The following PRND variants were observed in gnomAD, a reference collection of about 807,000 sequenced individuals.
PRND encodes the protein prion-like protein doppel.
For missense variants in PRND, 227 were observed against 223.3 expected (o/e 1.02, Z -0.11); for synonymous variants, 94 against 93.2 (o/e 1.01, Z -0.05).
At position 4,727,793 on chromosome 20, in the gene PRND, C is replaced by CT. The variant is rs59537500; in HGVS notation, c.*2721dup. The CT allele has an allele frequency of 1.8e-3, 261 of 143,140 alleles. 3 individuals are homozygous for CT. The highest frequency in any genetic ancestry group is 4.8e-3 in the Admixed American group (63 of 13,246). 8.9% of individuals were successfully genotyped at this position (143,140 alleles called of 1,614,324 possible). ...AATGCTTTCTACTCATTTTTCTATA[C>CT]TTTTTTTTTTGAGGCAGAGTCTCAT... On this transcript the variant is annotated 3_prime_UTR_variant, in exon 2 of 2. Transcript: ENST00000305817.
rs35453518 is a variant in PRND, at chr20:4,724,718, C to T, written c.167C>T (p.Pro56Leu). The T allele has an allele frequency of 9.3e-3, 15,076 of 1,614,168 alleles. 104 individuals carry two copies. The highest frequency in any genetic ancestry group is 0.011 in the Non-Finnish European group (12,911 of 1,180,034). Reference sequence around the variant, plus strand: ...GAGGCCCAGGTGGCTGAGAACCGCCCGGGAGCCTTCATCAAGCAAGGCCGC... The same window carrying T: ...GAGGCCCAGGTGGCTGAGAACCGCCTGGGAGCCTTCATCAAGCAAGGCCGC... ...ITEAQVAENR[P>L]GAFIKQGRKL... is the part of the protein sequence containing the mutation. The change falls in exon 2 of 2, where the codon CCG becomes CTG. Residue 56 changes from proline to leucine, a missense_variant. Pro to Leu is a moderately conservative substitution (Grantham distance 98). Transcript: ENST00000305817. The surrounding 1 kb of genome is among the most constrained non-coding windows in gnomAD (Gnocchi z 4.8).
Position 4,725,204 on chromosome 20 carries a change from C to A in PRND, c.*122C>A. The A allele has an allele frequency of 7.9e-7, 1 of 1,262,988 alleles. No homozygotes were observed. Among genetic ancestry groups the A allele is most frequent in the Non-Finnish European group, 1.1e-6 (1 of 902,378 alleles). The allele number at this position is 1,262,988 out of a possible 1,614,324, so 78.2% of individuals were successfully genotyped here. ...GCCCAGGAGCGGCGATGCACTCGCA[C>A]TGCAAATGCCGCTCTCACGTATGCG... On this transcript the variant is annotated 3_prime_UTR_variant, in exon 2 of 2. Coordinates refer to ENST00000305817, the MANE Select transcript of PRND (RefSeq NM_012409.4).
chr20:4,725,090 A>G lies in PRND; in HGVS notation c.*8A>G, dbSNP rs549680800. The G allele has an allele frequency of 1.2e-5, 20 of 1,612,000 alleles. No homozygotes were observed. The highest frequency in any genetic ancestry group is 6.7e-5 in the East Asian group (3 of 44,826). ...TGGCTCACGGTGAAATAAGCTTGCC[A>G]GGAGGCTGGCAGTACAGAGTGCAGC... On this transcript the variant is annotated 3_prime_UTR_variant, in exon 2 of 2. Transcript: ENST00000305817.
Position 4,724,507 on chromosome 20 carries a change from G to GT in PRND, c.-11-33dup, listed in dbSNP as rs1165306052. On this transcript the variant is annotated intron_variant, in intron 1 of 1. Coordinates refer to ENST00000305817, the MANE Select transcript of PRND (RefSeq NM_012409.4). This position sits in a 1 kb window ranked among gnomAD's most constrained non-coding sequence, Gnocchi z 4.8. ...GGGCAGGGGAGCCCAGGCAGGCCTG[G>GT]TGGGGAGCTGACCCACCGCCGTTTC... 1 of 1,613,194 alleles carries GT rather than the reference G, an allele frequency of 6.2e-7. No individual in the cohort carries two copies. Among genetic ancestry groups the GT allele is most frequent in the East Asian group, 2.2e-5 (1 of 44,884 alleles).
intron 1 of PRND, among the ~76,000 whole-genome samples, chr20:4,724,000 G>GTA (rs1470315606): frequency 4.9e-5 from 7 of 142,906 alleles, no homozygotes; most frequent in South Asian, 2.4e-4. Flanking sequence ...GTACATATAC[G>GTA]TATATATATA....
In PRND at chr20:4,725,869, T is replaced by C. The variant is rs1923248764; in HGVS notation, c.*787T>C. ...CATGAAGATTTTCTTTCTCTTTTTT[T>C]TTTTTTTTTAGATGGAGTTTTACTC... is the stretch of plus-strand genomic sequence containing the variant. On this transcript the variant is annotated 3_prime_UTR_variant, in exon 2 of 2. Transcript: ENST00000305817. 6.0e-6 allele frequency: 1 copy of C among 166,632 alleles called. No individual in the cohort carries two copies. The highest frequency in any genetic ancestry group is 2.4e-5 in the African/African-American group (1 of 41,322). 10.3% of individuals were successfully genotyped at this position (166,632 alleles called of 1,614,324 possible). A position where few individuals can be genotyped will look rare whatever the true frequency, so the allele number is the denominator to read the frequency against.
chr20:4,724,266 G>T lies in PRND; in HGVS notation c.-11-275G>T. 6.6e-6 allele frequency among the ~76,000 whole-genome samples: 1 copy of T among 152,048 alleles called. No individual in the cohort carries two copies. The highest frequency in any genetic ancestry group is 1.9e-4 in the East Asian group (1 of 5,166). On this transcript the variant is annotated intron_variant, in intron 1 of 1. Coordinates refer to ENST00000305817, the MANE Select transcript of PRND (RefSeq NM_012409.4). The surrounding 1 kb of genome is among the most constrained non-coding windows in gnomAD (Gnocchi z 4.8). ...TCACCACTCCTTTATTTTCCCATGC[G>T]TATTCAAAGCCACTATAATTGCCCT...
At position 4,724,397 on chromosome 20, in the gene PRND, A is replaced by C. The variant is rs1326971860; in HGVS notation, c.-11-144A>C. 9.1e-7 allele frequency: 1 copy of C among 1,093,792 alleles called. No homozygotes were observed. Among genetic ancestry groups the C allele is most frequent in the African/African-American group, 1.5e-5 (1 of 64,996 alleles). The allele number at this position is 1,093,792 out of a possible 1,614,324, so 67.8% of individuals were successfully genotyped here. On this transcript the variant is annotated intron_variant, in intron 1 of 1. Transcript: ENST00000305817. The surrounding 1 kb of genome is among the most constrained non-coding windows in gnomAD (Gnocchi z 4.8). ...TTTGAGTTAACCCTGCACAACCCAAACATGGGGAAACAATTATGCTTTTGA... is the reference window on the plus strand; with the variant it reads ...TTTGAGTTAACCCTGCACAACCCAACCATGGGGAAACAATTATGCTTTTGA...
rs1342045733 is a variant in PRND, at chr20:4,725,419, T to C, written c.*337T>C. 1 of 243,614 alleles carries C rather than the reference T, an allele frequency of 4.1e-6. No individual in the cohort carries two copies. The highest frequency in any genetic ancestry group is 2.3e-5 in the African/African-American group (1 of 44,232). The allele number at this position is 243,614 out of a possible 1,614,324, so 15.1% of individuals were successfully genotyped here. On this transcript the variant is annotated 3_prime_UTR_variant, in exon 2 of 2. Coordinates refer to ENST00000305817, the MANE Select transcript of PRND (RefSeq NM_012409.4). ...TCTTAGAGGTAGGTGTATTCCCGTT[T>C]TACAGATAAGGAAACTGAGGCCCAG...
intron 1 of PRND, among the ~76,000 whole-genome samples, chr20:4,722,494 A>G (rs1923132141): frequency 6.6e-6 from 1 of 151,746 alleles, no homozygotes; most frequent in South Asian, 2.1e-4. Flanking sequence ...GATGTCTACA[A>G]GCAAGGAAAG....
chr20:4,727,803 TGAGGCAGAG>T lies in PRND; in HGVS notation c.*2722_*2730del, dbSNP rs1923322608. 6.1e-6 allele frequency: 1 copy of T among 165,044 alleles called. No individual in the cohort carries two copies. 10.2% of individuals were successfully genotyped at this position (165,044 alleles called of 1,614,324 possible). On this transcript the variant is annotated 3_prime_UTR_variant, in exon 2 of 2. Transcript: ENST00000305817. Reference sequence around the variant, plus strand: ...ACTCATTTTTCTATACTTTTTTTTTTGAGGCAGAGTCTCATTCTGTTGCCCAGGCTGGAG... The same window carrying T: ...ACTCATTTTTCTATACTTTTTTTTTTTCTCATTCTGTTGCCCAGGCTGGAG...
rs1314823306 is a variant in PRND, at chr20:4,728,278, T to C, written c.*3196T>C. ...GCAATTTGGCTTCCCTAACTTAACA[T>C]TGCATCATGAAACTCTTTGGAACAA... is the stretch of plus-strand genomic sequence containing the variant. On this transcript the variant is annotated 3_prime_UTR_variant, in exon 2 of 2. Coordinates refer to ENST00000305817, the MANE Select transcript of PRND (RefSeq NM_012409.4). 6.0e-6 allele frequency: 1 copy of C among 167,076 alleles called. No homozygotes were observed. Among genetic ancestry groups the C allele is most frequent in the East Asian group, 1.9e-4 (1 of 5,204 alleles). 10.3% of individuals were successfully genotyped at this position (167,076 alleles called of 1,614,324 possible).
chr20:4,727,493 C>T lies in PRND; in HGVS notation c.*2411C>T, dbSNP rs748124035. 1.2e-5 allele frequency: 2 copies of T among 167,072 alleles called. No homozygotes were observed. The highest frequency in any genetic ancestry group is 2.9e-5 in the Non-Finnish European group (2 of 68,124). 10.3% of individuals were successfully genotyped at this position (167,072 alleles called of 1,614,324 possible). A position where few individuals can be genotyped will look rare whatever the true frequency, so the allele number is the denominator to read the frequency against. On this transcript the variant is annotated 3_prime_UTR_variant, in exon 2 of 2. Transcript: ENST00000305817. ...GGGGCTTCTGAATTATTCTGGATAT[C>T]GTCATTTTGCAGTGTGCATAATTTT...
At position 4,728,211 on chromosome 20, in the gene PRND, T is replaced by C. The variant is rs557775362; in HGVS notation, c.*3129T>C. The C allele has an allele frequency of 4.2e-5, 7 of 167,118 alleles. No individual in the cohort carries two copies. Among genetic ancestry groups the C allele is most frequent in the South Asian group, 2.1e-4 (1 of 4,822 alleles). The allele number at this position is 167,118 out of a possible 1,614,324, so 10.4% of individuals were successfully genotyped here. A position where few individuals can be genotyped will look rare whatever the true frequency, so the allele number is the denominator to read the frequency against. ...AAGTGAGGGCTTTTTAACTTGATTA[T>C]GCCTTTTAAAAATACTATGTATGTA... On this transcript the variant is annotated 3_prime_UTR_variant, in exon 2 of 2. Coordinates refer to ENST00000305817, the MANE Select transcript of PRND (RefSeq NM_012409.4).
Position 4,725,094 on chromosome 20 carries a change from G to A in PRND, c.*12G>A. ...TCACGGTGAAATAAGCTTGCCAGGA[G>A]GCTGGCAGTACAGAGTGCAGCAGCG... On this transcript the variant is annotated 3_prime_UTR_variant, in exon 2 of 2. Transcript: ENST00000305817. 1 of 1,611,428 alleles carries A rather than the reference G, an allele frequency of 6.2e-7. No homozygotes were observed. The highest frequency in any genetic ancestry group is 8.5e-7 in the Non-Finnish European group (1 of 1,179,148).
rs1923344982 is a variant in PRND, at chr20:4,728,304, C to T, written c.*3222C>T. 6.0e-6 allele frequency: 1 copy of T among 167,102 alleles called. No homozygotes were observed. 10.4% of individuals were successfully genotyped at this position (167,102 alleles called of 1,614,324 possible). On this transcript the variant is annotated 3_prime_UTR_variant, in exon 2 of 2. Transcript: ENST00000305817. ...TGCATCATGAAACTCTTTGGAACAA[C>T]AGCTATCTAGATAGCTGACTCATTC...
At position 4,726,286 on chromosome 20, in the gene PRND, T is replaced by A. The variant is rs1371815319; in HGVS notation, c.*1204T>A. 6.0e-6 allele frequency: 1 copy of A among 167,032 alleles called. No homozygotes were observed. The highest frequency in any genetic ancestry group is 2.4e-5 in the African/African-American group (1 of 41,452). The allele number at this position is 167,032 out of a possible 1,614,324, so 10.3% of individuals were successfully genotyped here. A position where few individuals can be genotyped will look rare whatever the true frequency, so the allele number is the denominator to read the frequency against. ...CATGCATGTTTTATGTGCACTCATA[T>A]GAGTATCTTTAAATATAATCCCTTT... On this transcript the variant is annotated 3_prime_UTR_variant, in exon 2 of 2. Coordinates refer to ENST00000305817, the MANE Select transcript of PRND (RefSeq NM_012409.4).
At position 4,723,938 on chromosome 20, in the gene PRND, A is replaced by ATGTG. The variant is rs78289429; in HGVS notation, c.-11-569_-11-566dup. On this transcript the variant is annotated intron_variant, in intron 1 of 1. Transcript: ENST00000305817. ...CAGAGTGAGATCCTGTCTCTAAAAT[A>ATGTG]TGTGTGTGTGTGTGTGTGTGTGTGT... is the stretch of plus-strand genomic sequence containing the variant. Among the ~76,000 whole-genome samples, 1,145 of 146,198 alleles carry ATGTG rather than the reference A, an allele frequency of 7.8e-3. 11 individuals carry two copies. Among genetic ancestry groups the ATGTG allele is most frequent in the South Asian group, 0.022 (98 of 4,542 alleles).
Position 4,724,018 on chromosome 20 carries a change from A to G in PRND, c.-11-523A>G, listed in dbSNP as rs1474111026. Among the ~76,000 whole-genome samples, 4 of 146,214 alleles carry G rather than the reference A, an allele frequency of 2.7e-5. No homozygotes were observed. The highest frequency in any genetic ancestry group is 4.0e-4 in the East Asian group (2 of 5,022). ...CATATACGTATATATATATGTGTGT[A>G]TATATACATATATGTGTGTATATAT... On this transcript the variant is annotated intron_variant, in intron 1 of 1. Transcript: ENST00000305817. The surrounding 1 kb of genome is among the most constrained non-coding windows in gnomAD (Gnocchi z 4.8).
Sources: allele counts gnomAD v4.1 joint callset (sites outside exome capture counted in the v4.1 genomes callset), GRCh38; gene constraint gnomAD v4.1.1; non-coding constraint Gnocchi (gnomAD v3.1); transcripts MANE v1.5; gene names NCBI Gene and HGNC (gene_info 2026-07-23, HGNC 2026-07-21).